The following EVI5 variants were observed in gnomAD, a reference collection of about 807,000 sequenced individuals.
The protein encoded by EVI5 is ecotropic viral integration site 5, also known as ecotropic viral integration site 5 protein homolog.
EVI5 carries 73 observed loss-of-function variants against 112.0 expected under a neutral mutation model. The ratio of observed to expected loss-of-function variants is 0.65; its 90% CI spans 0.54 to 0.79. The LOEUF is 0.79. Among genes scored for constraint, EVI5 ranks in the 30% least tolerant of loss-of-function variants. The pLI, the probability that EVI5 is intolerant of heterozygous loss-of-function variation, is 0.00. For missense variants in EVI5, 900 were observed against 968.8 expected, an observed-to-expected ratio of 0.93 and a Z score of 0.94; for synonymous variants, 305 against 319.9, an observed-to-expected ratio of 0.95 and a Z score of 0.50.
At chr1:92,696,343 G>A (rs1219965533) in intron 6 of EVI5, among the ~76,000 whole-genome samples, 1 of 152,106 alleles carries the variant, frequency 6.6e-6, no homozygotes, top group Admixed American at 6.5e-5. Context: ...TCCAGGCACA[G>A]TGGCTCATGC....
chr1:92,694,962 A>G (rs1670070868), intron 7 of EVI5, among the ~76,000 whole-genome samples: 1 of 152,110 alleles, frequency 6.6e-6, no homozygotes, highest in Admixed American at 6.5e-5. Context: ...ACCTCTCACT[A>G]ACTTTCACTG....
chr1:92,775,404 G>A (rs555278078), intron 1 of EVI5, among the ~76,000 whole-genome samples: 49 of 150,536 alleles, frequency 3.3e-4, no homozygotes, highest in Non-Finnish European at 6.5e-4. Flanking sequence ...TCCAGCCTGC[G>A]AGACACAGCG....
chr1:92,591,565 T>A (rs1247638518), intron 18 of EVI5, among the ~76,000 whole-genome samples: 1 of 152,132 alleles, frequency 6.6e-6, no homozygotes, highest in Non-Finnish European at 1.5e-5. Flanking sequence ...GACCTAACCA[T>A]CCTAAATATA....
rs189850999 is a variant in EVI5 at position 92,614,473 on chromosome 1, G to A, written c.1828-6746C>T. 4.6e-3 allele frequency among the ~76,000 whole-genome samples: 699 copies of A among 152,264 alleles called. 3 individuals are homozygous for A. The highest frequency in any genetic ancestry group is 0.016 in the African/African-American group (678 of 41,532). On this transcript the variant is annotated intron_variant, in intron 16 of 19. Transcript: ENST00000684568. The stretch of plus-strand genomic sequence containing the variant: ...TCCTGTGTGTGTCTGTGAGGGTGTT[G>A]CCAAAAGAGATTAACATTTGAGTCA...
intron 1 of EVI5, among the ~76,000 whole-genome samples, chr1:92,775,063 T>C (rs906769222): frequency 1.3e-5 from 2 of 152,220 alleles, no homozygotes; most frequent in African/African-American, 2.4e-5. Context: ...GAATTTTATA[T>C]ACAAACACAA....
rs116103243 is a variant in EVI5 at position 92,645,963 on chromosome 1, C to T, written c.1393-9627G>A. ...CTGATCAAGACATGCCCAACCCCAG[C>T]CCTGAGTGAATCTCCTAATCCTCCC... On this transcript the variant is annotated intron_variant, in intron 13 of 19. Coordinates refer to ENST00000684568, the MANE Select transcript of EVI5 (RefSeq NM_001350197.2). Among the ~76,000 whole-genome samples the T allele has an allele frequency of 7.3e-3, 1,104 of 152,254 alleles. 5 individuals carry two copies. Among genetic ancestry groups the T allele is most frequent in the Admixed American group, 0.012 (177 of 15,294 alleles).
chr1:92,609,880 GTT>G (rs946617732), intron 16 of EVI5, among the ~76,000 whole-genome samples: 1 of 137,970 alleles, frequency 7.2e-6, no homozygotes, highest in Non-Finnish European at 1.6e-5. Context: ...TCTCTTTTTT[GTT>G]TTTTTTTTTT....
At chr1:92,546,270 G>A (rs1557754492) in intron 19 of EVI5, among the ~76,000 whole-genome samples, 3 of 152,198 alleles carry the variant, frequency 2.0e-5, no homozygotes, top group Admixed American at 6.5e-5. Flanking sequence ...CAGCTAATCA[G>A]TGACAAAGAC....
chr1:92,586,818 T>C (rs1672881199), intron 18 of EVI5, among the ~76,000 whole-genome samples: 1 of 152,008 alleles, frequency 6.6e-6, no homozygotes, highest in African/African-American at 2.4e-5. Context: ...TATGTATACA[T>C]GTGCCATGCT....
intron 2 of EVI5, among the ~76,000 whole-genome samples, chr1:92,720,501 C>A (rs908655115): frequency 2.6e-5 from 4 of 152,156 alleles, no homozygotes; most frequent in Non-Finnish European, 4.4e-5. Context: ...GGATCCCTTC[C>A]TTACACCTTA....
intron 19 of EVI5, among the ~76,000 whole-genome samples, chr1:92,525,668 G>C (rs1571314298): frequency 1.3e-5 from 2 of 152,220 alleles, no homozygotes; most frequent in East Asian, 3.9e-4. Flanking sequence ...ATAATAATTT[G>C]TTTGAAATTT....
At position 92,619,171 on chromosome 1, in the gene EVI5, T is replaced by C. The variant is rs144683162; in HGVS notation, c.1827+5005A>G. ...AGGGTGTTGCCAAAAGAGATTAACA[T>C]TTGAGTCAGTGGGCTGGGGTAGGCA... On this transcript the variant is annotated intron_variant, in intron 16 of 19. Coordinates refer to ENST00000684568, the MANE Select transcript of EVI5 (RefSeq NM_001350197.2). 2.4e-3 allele frequency among the ~76,000 whole-genome samples: 371 copies of C among 152,214 alleles called. 3 individuals carry two copies. Among genetic ancestry groups the C allele is most frequent in the African/African-American group, 8.4e-3 (349 of 41,510 alleles).
At chr1:92,548,281 T>C (rs1169234708) in intron 19 of EVI5, among the ~76,000 whole-genome samples, 2 of 152,176 alleles carry the variant, frequency 1.3e-5, no homozygotes, top group South Asian at 2.1e-4. Flanking sequence ...GAAAAGGCCT[T>C]TGACAAAATT....
chr1:92,762,882 A>T (rs1682085123), intron 1 of EVI5, among the ~76,000 whole-genome samples: 1 of 152,172 alleles, frequency 6.6e-6, no homozygotes, highest in Non-Finnish European at 1.5e-5. Flanking sequence ...TACACTATCC[A>T]GGTGATGGCT....
intron 16 of EVI5, 43 bp from the exon 17 acceptor site, chr1:92,607,770 C>A: frequency 7.0e-7 from 1 of 1,421,468 alleles, no homozygotes; most frequent in Non-Finnish European, 9.5e-7. Flanking sequence ...AGATACAAGA[C>A]CTAAAAATTA....
At position 92,744,999 on chromosome 1, in the gene EVI5, T is replaced by C. The variant is rs914976262; in HGVS notation, c.-81-8372A>G. Among the ~76,000 whole-genome samples the C allele has an allele frequency of 8.6e-5, 13 of 151,986 alleles. 1 individual carries two copies. The highest frequency in any genetic ancestry group is 3.3e-4 in the Admixed American group (5 of 15,262). On this transcript the variant is annotated intron_variant, in intron 1 of 19. Coordinates refer to ENST00000684568, the MANE Select transcript of EVI5 (RefSeq NM_001350197.2). ...AGGCTGGAGTGCAGTGGTGCAATCA[T>C]GGCTTGTTGCAGTCTCAACCTCCCA... is the stretch of plus-strand genomic sequence containing the variant.
chr1:92,523,179 C>T (rs902727586), intron 19 of EVI5, among the ~76,000 whole-genome samples: 2 of 152,116 alleles, frequency 1.3e-5, no homozygotes, highest in African/African-American at 2.4e-5. Flanking sequence ...ATGTGAGCCA[C>T]GGTGCCTGGC....
chr1:92,585,344 T>C (rs1320222988), intron 18 of EVI5, among the ~76,000 whole-genome samples: 1 of 151,984 alleles, frequency 6.6e-6, no homozygotes, highest in Non-Finnish European at 1.5e-5. Context: ...ATTTAAAAAT[T>C]AGCAGGGCAT....
At chr1:92,713,651 C>T (rs1373058118) in intron 2 of EVI5, among the ~76,000 whole-genome samples, 2 of 151,990 alleles carry the variant, frequency 1.3e-5, no homozygotes, top group Non-Finnish European at 2.9e-5. Context: ...GTGGTGCATG[C>T]CTGTGATCCC....
Sources: allele counts gnomAD v4.1 joint callset (sites outside exome capture counted in the v4.1 genomes callset), GRCh38; gene constraint gnomAD v4.1.1; transcripts MANE v1.5; gene names NCBI Gene and HGNC (gene_info 2026-07-23, HGNC 2026-07-21).